The following PCDHGC5 variants were observed in gnomAD, a reference collection of about 807,000 sequenced individuals.
PCDHGC5 encodes the protein protocadherin gamma-C5.
In PCDHGC5, 25 loss-of-function variants were observed where a neutral mutation model predicts 59.0. The ratio of observed to expected loss-of-function variants is 0.42; its 90% CI spans 0.31 to 0.59. PCDHGC5 has a LOEUF of 0.59. PCDHGC5 is among the 20% of genes least tolerant of loss of function. The pLI, the probability that PCDHGC5 is intolerant of heterozygous loss-of-function variation, is 0.13. For missense variants in PCDHGC5, 1,067 were observed against 1,206.4 expected, an observed-to-expected ratio of 0.88 and a Z score of 1.71; for synonymous variants, 434 against 505.5, an observed-to-expected ratio of 0.86 and a Z score of 1.90.
chr5:141,499,268 G>C (rs564234341), intron 2 of PCDHGC5, among the ~76,000 whole-genome samples: 1 of 152,224 alleles, frequency 6.6e-6, no homozygotes, highest in South Asian at 2.1e-4. Flanking sequence ...TTGGTCCCTA[G>C]ACTGTTCTCT....
rs2099718995 is a variant in PCDHGC5 at position 141,491,523 on chromosome 5, G to A, written c.2283G>A (p.Glu761=). The change falls in exon 1 of 4, where the codon GAG becomes GAA. Residue 761 remains glutamate (E), a synonymous_variant. Transcript: ENST00000252087. This position sits in a 1 kb window ranked among gnomAD's most constrained non-coding sequence, Gnocchi z 6.9. ...VSSDGTLKYM[E]VTLRPTDSQS... ...CGGACGGCACGCTCAAGTACATGGAGGTGACGCTGCGGCCCACAGACTCGC... is the reference window on the plus strand; with the variant it reads ...CGGACGGCACGCTCAAGTACATGGAAGTGACGCTGCGGCCCACAGACTCGC... The A allele has an allele frequency of 3.1e-6, 5 of 1,613,954 alleles. No individual in the cohort carries two copies. The highest frequency in any genetic ancestry group is 3.4e-6 in the Non-Finnish European group (4 of 1,180,032).
Position 141,491,834 on chromosome 5 carries a change from CG to C in PCDHGC5, c.2460+137del. On this transcript the variant is annotated intron_variant, in intron 1 of 3. Transcript: ENST00000252087. This position sits in a 1 kb window ranked among gnomAD's most constrained non-coding sequence, Gnocchi z 6.9. ...CGCTGGCTGCGCTCCACCCGATTCT[CG>C]GGATCATTGGACCGTTTGCGCGAAA... 1 of 1,473,830 alleles carries C rather than the reference CG, an allele frequency of 6.8e-7. No homozygotes were observed. Among genetic ancestry groups the C allele is most frequent in the Middle Eastern group, 1.8e-4 (1 of 5,590 alleles). The allele number at this position is 1,473,830 out of a possible 1,614,324, so 91.3% of individuals were successfully genotyped here.
chr5:141,505,679 G>A (rs1350871637), intron 3 of PCDHGC5, among the ~76,000 whole-genome samples, 198 bp downstream of exon 3: 24 of 152,172 alleles, frequency 1.6e-4, no homozygotes, highest in Non-Finnish European at 3.5e-4. Flanking sequence ...TGGGGGTCCT[G>A]GGATGCCTGG....
chr5:141,506,801 C>A (rs1322016728), intron 3 of PCDHGC5, among the ~76,000 whole-genome samples: 2 of 152,166 alleles, frequency 1.3e-5, no homozygotes, highest in Non-Finnish European at 2.9e-5. Flanking sequence ...GGCAGAGGAT[C>A]AAGGCATTGC....
intron 2 of PCDHGC5, among the ~76,000 whole-genome samples, chr5:141,503,010 A>T (rs1595838084): frequency 6.8e-6 from 1 of 146,772 alleles, no homozygotes; most frequent in East Asian, 2.0e-4. Context: ...TGCCCGGTTA[A>T]TTTTTTTTTT....
intron 2 of PCDHGC5, among the ~76,000 whole-genome samples, chr5:141,498,004 G>C (rs1385457484): frequency 6.6e-6 from 1 of 152,316 alleles, no homozygotes; most frequent in African/African-American, 2.4e-5. Flanking sequence ...GGAGTTTACA[G>C]TGCACTGAAG....
chr5:141,493,204 C>T lies in PCDHGC5; in HGVS notation c.2460+1504C>T, dbSNP rs2099746929. Among the ~76,000 whole-genome samples, 1 of 152,216 alleles carries T rather than the reference C, an allele frequency of 6.6e-6. No individual in the cohort carries two copies. Among genetic ancestry groups the T allele is most frequent in the Non-Finnish European group, 1.5e-5 (1 of 68,042 alleles). Reference sequence around the variant, plus strand: ...TATATAACTCCTTTGAGAACCTCATCTCATTTGCTCTTCCCACCATTGCTG... The same window carrying T: ...TATATAACTCCTTTGAGAACCTCATTTCATTTGCTCTTCCCACCATTGCTG... On this transcript the variant is annotated intron_variant, in intron 1 of 3. Transcript: ENST00000252087. This position sits in a 1 kb window ranked among gnomAD's most constrained non-coding sequence, Gnocchi z 4.3.
At position 141,510,984 on chromosome 5, in the gene PCDHGC5, C is replaced by A. The variant is rs375865663; in HGVS notation, c.2646C>A (p.Ala882=). 6.2e-7 allele frequency: 1 copy of A among 1,614,162 alleles called. No individual in the cohort carries two copies. The highest frequency in any genetic ancestry group is 8.5e-7 in the Non-Finnish European group (1 of 1,180,012). The part of the protein sequence containing the change: ...ADGSSTLGGG[A]GTMGLSARYG... The stretch of plus-strand genomic sequence containing the variant: ...GGAGCTCCACCCTGGGAGGGGGTGC[C>A]GGCACCATGGGATTGAGCGCCCGCT... Residue 882 remains alanine, a synonymous_variant, in exon 4 of 4, where the codon GCC becomes GCA. Coordinates refer to ENST00000252087, the MANE Select transcript of PCDHGC5 (RefSeq NM_018929.3).
intron 3 of PCDHGC5, among the ~76,000 whole-genome samples, chr5:141,506,877 G>A (rs998146154): frequency 1.3e-5 from 2 of 152,142 alleles, no homozygotes; most frequent in Non-Finnish European, 2.9e-5. Flanking sequence ...AGAGAACCAG[G>A]TGAAATCACA....
chr5:141,489,084 C>A lies in PCDHGC5; in HGVS notation c.-157C>A. On this transcript the variant is annotated 5_prime_UTR_variant, in exon 1 of 4. Coordinates refer to ENST00000252087, the MANE Select transcript of PCDHGC5 (RefSeq NM_018929.3). The surrounding 1 kb of genome is among the most constrained non-coding windows in gnomAD (Gnocchi z 4.5). Reference sequence around the variant, plus strand: ...CTCCCCCCTGCCCACCCCCGCCACTCGGTGACTAAGAACTGCTGCAAGCAG... The same window carrying A: ...CTCCCCCCTGCCCACCCCCGCCACTAGGTGACTAAGAACTGCTGCAAGCAG... The A allele has an allele frequency of 9.1e-6, 3 of 329,124 alleles. No homozygotes were observed. The highest frequency in any genetic ancestry group is 1.1e-5 in the Non-Finnish European group (2 of 186,464). The allele number at this position is 329,124 out of a possible 1,614,324, so 20.4% of individuals were successfully genotyped here. A position where few individuals can be genotyped will look rare whatever the true frequency, so the allele number is the denominator to read the frequency against.
intron 3 of PCDHGC5, among the ~76,000 whole-genome samples, chr5:141,510,203 G>A (rs1164886289): frequency 6.6e-6 from 1 of 151,680 alleles, no homozygotes; most frequent in Non-Finnish European, 1.5e-5. Flanking sequence ...AGCCCAGGAG[G>A]CAGAGGTTGC....
Position 141,510,942 on chromosome 5 carries a change from T to C in PCDHGC5, c.2609-5T>C, listed in dbSNP as rs769766039. On this transcript the variant is annotated splice_region_variant and splice_polypyrimidine_tract_variant and intron_variant, in intron 3 of 3. Transcript: ENST00000252087. ...CTCCCACCTGATCTTCCTCTGTCTCTGCAGAAGCTGCTGATGGGAGCTCCA... is the reference window on the plus strand; with the variant it reads ...CTCCCACCTGATCTTCCTCTGTCTCCGCAGAAGCTGCTGATGGGAGCTCCA... 5 of 1,613,984 alleles carry C rather than the reference T, an allele frequency of 3.1e-6. No homozygotes were observed. The highest frequency in any genetic ancestry group is 4.2e-6 in the Non-Finnish European group (5 of 1,180,014).
At chr5:141,499,686 T>C (rs1400567357) in intron 2 of PCDHGC5, among the ~76,000 whole-genome samples, 2 of 149,346 alleles carry the variant, frequency 1.3e-5, no homozygotes, top group East Asian at 2.0e-4. Context: ...CTTTAACAGA[T>C]GACTTTTTTT....
intron 1 of PCDHGC5, among the ~76,000 whole-genome samples, chr5:141,492,438 G>C (rs2099740636): frequency 6.6e-6 from 1 of 152,236 alleles, no homozygotes; most frequent in Non-Finnish European, 1.5e-5. Flanking sequence ...AGGAGTACTC[G>C]TAGCTGATTG....
chr5:141,497,986 G>T (rs1404550601), intron 2 of PCDHGC5, among the ~76,000 whole-genome samples: 1 of 152,176 alleles, frequency 6.6e-6, no homozygotes, highest in Non-Finnish European at 1.5e-5. Context: ...GGAGGCCCCT[G>T]CCCTCAAGGA....
chr5:141,505,779 T>G (rs1420143439), intron 3 of PCDHGC5, among the ~76,000 whole-genome samples: 1 of 139,496 alleles, frequency 7.2e-6, no homozygotes, highest in Non-Finnish European at 1.6e-5. Flanking sequence ...GTCCTAGCTC[T>G]GCTACTATCC....
At position 141,490,208 on chromosome 5, in the gene PCDHGC5, G is replaced by A. The variant is rs745796427; in HGVS notation, c.968G>A (p.Arg323His). Residue 323 changes from arginine (R) to histidine (H), a missense_variant, in exon 1 of 4, where the codon CGT becomes CAT. Arg to His is a conservative substitution (Grantham distance 29). Coordinates refer to ENST00000252087, the MANE Select transcript of PCDHGC5 (RefSeq NM_018929.3). The surrounding 1 kb of genome is among the most constrained non-coding windows in gnomAD (Gnocchi z 5.4). ...TTCTATGAAATTCATGCAAGAGCCC[G>A]TGACCAGGGACAGCCTGCCATGGAG... ...SRFYEIHARA[R>H]DQGQPAMEGH... 44 of 1,614,120 alleles carry A rather than the reference G, an allele frequency of 2.7e-5. No individual in the cohort carries two copies. The Admixed American group carries it at 4.5e-4, about 17-fold the overall frequency.
intron 2 of PCDHGC5, among the ~76,000 whole-genome samples, chr5:141,501,294 C>CAT (rs200497585): frequency 0.16 from 9,924 of 62,810 alleles, 350 homozygotes; most frequent in Non-Finnish European, 0.25. Flanking sequence ...CCCTTATACA[C>CAT]ACACACACAC....
chr5:141,494,832 G>T lies in PCDHGC5; in HGVS notation c.2486G>T (p.Arg829Leu). 1 of 1,614,066 alleles carries T rather than the reference G, an allele frequency of 6.2e-7. No homozygotes were observed. ...CAAGCCCCGCCCAACACGGACTGGCGTTTCTCTCAGGCCCAGAGACCCGGC... is the reference window on the plus strand; with the variant it reads ...CAAGCCCCGCCCAACACGGACTGGCTTTTCTCTCAGGCCCAGAGACCCGGC... The part of the protein sequence containing the change: ...SQQAPPNTDW[R>L]FSQAQRPGTS... The change falls in exon 2 of 4, where the codon CGT becomes CTT. Residue 829 changes from arginine to leucine, a missense_variant. Transcript: ENST00000252087.
Sources: allele counts gnomAD v4.1 joint callset (sites outside exome capture counted in the v4.1 genomes callset), GRCh38; gene constraint gnomAD v4.1.1; non-coding constraint Gnocchi (gnomAD v3.1); transcripts MANE v1.5; gene names NCBI Gene and HGNC (gene_info 2026-07-23, HGNC 2026-07-21).